AMMECR1: variants seen among roughly 807,000 people sequenced by gnomAD.
The protein encoded by AMMECR1 is AMMECR nuclear protein 1.
Under a neutral mutation model 22.5 loss-of-function variants are expected in AMMECR1, and 3 were observed. That is an observed-to-expected ratio of 0.13 (90% CI 0.06 to 0.35). The LOEUF (loss-of-function observed/expected upper bound fraction) is 0.35. AMMECR1 is among the 10% of genes least tolerant of loss of function. AMMECR1 has a pLI of 1.00. For synonymous variants in AMMECR1, 130 were observed against 116.7 expected (o/e 1.11, Z -0.74); for missense variants, 235 against 278.7 (o/e 0.84, Z 1.12).
At chrX:110,322,100 TC>T (rs770376256), upstream of AMMECR1, among the ~76,000 whole-genome samples, 1 of 112,675 alleles carries the variant, frequency 8.9e-6, no homozygotes, top group African/African-American at 3.2e-5. Context: ...TGGATTGTTT[TC>T]TAGTTGTTTC....
intron 2 of AMMECR1, among the ~76,000 whole-genome samples, chrX:110,391,923 T>C (rs2068496530): frequency 8.9e-6 from 1 of 112,089 alleles, no homozygotes; most frequent in Admixed American, 9.4e-5. Context: ...TGTGAAAAAA[T>C]AATATGCTTC....
chrX:110,257,255 C>T (rs1311523580), intron 2 of AMMECR1, among the ~76,000 whole-genome samples: 2 of 112,154 alleles, frequency 1.8e-5, no homozygotes, highest in African/African-American at 6.5e-5. Context: ...GGAAAGGAGA[C>T]AGATATCAGT....
chrX:110,229,008 T>A (rs2067548335), intron 2 of AMMECR1, among the ~76,000 whole-genome samples: 1 of 112,588 alleles, frequency 8.9e-6, no homozygotes, highest in South Asian at 3.7e-4. Context: ...CGTGTATAAC[T>A]ACAAAATTGT....
chrX:110,381,097 C>A (rs1372715976), intron 2 of AMMECR1, among the ~76,000 whole-genome samples: 3 of 111,921 alleles, frequency 2.7e-5, no homozygotes, highest in East Asian at 5.6e-4. Flanking sequence ...CAGGTGGGAT[C>A]TAATTAAACC....
At chrX:110,284,226 A>G (rs1215037968) in intron 1 of AMMECR1, among the ~76,000 whole-genome samples, 5 of 112,428 alleles carry the variant, frequency 4.4e-5, no homozygotes, top group Admixed American at 2.8e-4. Flanking sequence ...AAGTCATGGT[A>G]GGACAGAACC....
At chrX:110,219,165 G>A (rs1232685130) in intron 2 of AMMECR1, among the ~76,000 whole-genome samples, 1 of 111,444 alleles carries the variant, frequency 9.0e-6, no homozygotes, top group East Asian at 2.8e-4. Context: ...GCTAGGAGTG[G>A]AACTGCTGGA....
intron 2 of AMMECR1, among the ~76,000 whole-genome samples, chrX:110,325,152 T>C (rs1373085970): frequency 8.9e-6 from 1 of 111,906 alleles, no homozygotes; most frequent in Non-Finnish European, 1.9e-5. Context: ...TTAAAATTCA[T>C]TTATTTTTTT....
intron 2 of AMMECR1, among the ~76,000 whole-genome samples, chrX:110,239,394 G>A (rs890401163): frequency 2.2e-4 from 24 of 110,461 alleles, no homozygotes; most frequent in African/African-American, 7.3e-4. Flanking sequence ...TGAGAACTTC[G>A]TGAAGCATAC....
intron 2 of AMMECR1, among the ~76,000 whole-genome samples, chrX:110,424,289 C>T (rs1013897949): frequency 8.9e-5 from 10 of 111,827 alleles, no homozygotes; most frequent in African/African-American, 3.2e-4. Context: ...TCTTACTCCA[C>T]TTTTTGCTGA....
chrX:110,237,210 T>A (rs1013620512), intron 2 of AMMECR1, among the ~76,000 whole-genome samples: 2 of 111,314 alleles, frequency 1.8e-5, no homozygotes, highest in South Asian at 7.6e-4. Flanking sequence ...AGGGCAGGCA[T>A]AGAAAAAAGA....
chrX:110,367,771 C>T (rs1184793201), intron 2 of AMMECR1, among the ~76,000 whole-genome samples: 1 of 110,208 alleles, frequency 9.1e-6, no homozygotes, highest in African/African-American at 3.3e-5. Flanking sequence ...TCTCACACTC[C>T]AGATCCTATC....
Position 110,202,519 on chromosome X carries a change from A to T in AMMECR1, c.717T>A (p.Ile239=). ...CTTTTTCATTGATGAATTCTATTCT[A>T]ATGCCATGTACACCCACCTGAAAGA... The part of the protein sequence containing the change: ...YLDWEVGVHG[I]RIEFINEKGS... Residue 239 remains isoleucine, a synonymous_variant, in exon 4 of 6, where the codon ATT becomes ATA. Coordinates refer to ENST00000262844, the MANE Select transcript of AMMECR1 (RefSeq NM_015365.3). 1 of 1,201,467 alleles carries T rather than the reference A, an allele frequency of 8.3e-7. No homozygotes were observed. Among genetic ancestry groups the T allele is most frequent in the Admixed American group, 2.2e-5 (1 of 45,659 alleles).
chrX:110,365,146 G>A (rs981964257), intron 2 of AMMECR1, among the ~76,000 whole-genome samples: 1 of 111,703 alleles, frequency 9.0e-6, no homozygotes, highest in African/African-American at 3.3e-5. Context: ...TCAGTTTGTG[G>A]GCCGCCTATT....
intron 1 of AMMECR1, among the ~76,000 whole-genome samples, chrX:110,428,928 A>T (rs1029292507): frequency 1.8e-5 from 2 of 112,357 alleles, no homozygotes; most frequent in African/African-American, 6.5e-5. Context: ...GCGACGGCAC[A>T]GGTCTGCCCC....
Position 110,264,421 on chromosome X carries a change from A to G in AMMECR1, c.584+68T>C, listed in dbSNP as rs775350198. 1.9e-5 allele frequency: 11 copies of G among 590,485 alleles called. No individual in the cohort carries two copies. In the South Asian group the frequency reaches 3.0e-4, roughly 16 times the overall value. 48.7% of individuals were successfully genotyped at this position (590,485 alleles called of 1,213,427 possible). On this transcript the variant is annotated intron_variant, in intron 2 of 5. Coordinates refer to ENST00000262844, the MANE Select transcript of AMMECR1 (RefSeq NM_015365.3). Reference sequence around the variant, plus strand: ...ACAATTCAGTAAAAGGAGTTAAAGTATCAGATTCAAGTTTCATAAGTTTTT... The same window carrying G: ...ACAATTCAGTAAAAGGAGTTAAAGTGTCAGATTCAAGTTTCATAAGTTTTT...
In AMMECR1 at chrX:110,367,351, C is replaced by G. The variant is rs756243722; in HGVS notation, c.-147-49502G>C. 3.5e-4 allele frequency among the ~76,000 whole-genome samples: 39 copies of G among 112,185 alleles called. No individual in the cohort carries two copies. In the South Asian group the frequency reaches 3.7e-3, roughly 11 times the overall value. On this transcript the variant is annotated intron_variant, in intron 2 of 7. Coordinates refer to the AMMECR1 transcript ENST00000372057. Reference sequence around the variant, plus strand: ...CATTTTCTCTTGAATCCTCTCCAGTCAGGCTTTTGCCATCATCACTCCACC... The same window carrying G: ...CATTTTCTCTTGAATCCTCTCCAGTGAGGCTTTTGCCATCATCACTCCACC...
At chrX:110,325,668 GTCTTTTC>G (rs2068095020) in intron 2 of AMMECR1, among the ~76,000 whole-genome samples, 1 of 111,828 alleles carries the variant, frequency 8.9e-6, no homozygotes. Context: ...AGTAATTTCA[GTCTTTTC>G]TCTTTTTTTG....
rs941447394 is a variant in AMMECR1 at position 110,386,629 on chromosome X, A to T, written c.-148+40029T>A. On this transcript the variant is annotated intron_variant, in intron 2 of 7. Coordinates refer to the AMMECR1 transcript ENST00000372057. The stretch of plus-strand genomic sequence containing the variant: ...TGTGAATATTCTGTCATTCTGTGTA[A>T]TTTTTTTTCATTTTCTTGAAGCTAT... Among the ~76,000 whole-genome samples the T allele has an allele frequency of 2.7e-5, 3 of 111,221 alleles. No homozygotes were observed. In the East Asian group the frequency reaches 8.4e-4, roughly 31 times the overall value.
At chrX:110,410,800 G>A (rs915456194) in intron 2 of AMMECR1, among the ~76,000 whole-genome samples, 29 of 111,750 alleles carry the variant, frequency 2.6e-4, no homozygotes, top group African/African-American at 8.8e-4. Context: ...CGTAGCTGGG[G>A]CCTTGGGACA....
Sources: allele counts gnomAD v4.1 joint callset (sites outside exome capture counted in the v4.1 genomes callset), GRCh38; gene constraint gnomAD v4.1.1; transcripts MANE v1.5; gene names NCBI Gene and HGNC (gene_info 2026-07-23, HGNC 2026-07-21).